Variants in BMP10 observed in about 807,000 individuals in gnomAD.
The protein encoded by BMP10 is bone morphogenetic protein 10.
BMP10 carries 9 observed loss-of-function variants against 29.9 expected under a neutral mutation model. The ratio of observed to expected loss-of-function variants is 0.30; its 90% CI spans 0.18 to 0.53. The LOEUF (loss-of-function observed/expected upper bound fraction) is 0.53, where lower values mean the gene tolerates loss of function less well. Among genes scored for constraint, BMP10 ranks in the 20% least tolerant of loss-of-function variants. The pLI is 0.96. For missense variants in BMP10, 474 were observed against 524.3 expected (o/e 0.90, Z 0.94); for synonymous variants, 202 against 200.2 (o/e 1.01, Z -0.07).
chr2:68,866,749 G>T (rs1682964221), intron 1 of BMP10, among the ~76,000 whole-genome samples, 178 bp from the exon 2 acceptor site: 1 of 152,136 alleles, frequency 6.6e-6, no homozygotes, highest in African/African-American at 2.4e-5. Context: ...AATCCCAAAA[G>T]GTCAGTGGTA....
In BMP10 at chr2:68,864,885, T is replaced by C. The variant is rs1363340408; in HGVS notation, c.*746A>G. Among the ~76,000 whole-genome samples the C allele has an allele frequency of 2.0e-5, 3 of 152,174 alleles. No homozygotes were observed. Among genetic ancestry groups the C allele is most frequent in the African/African-American group, 7.2e-5 (3 of 41,462 alleles). On this transcript the variant is annotated 3_prime_UTR_variant, in exon 2 of 2. Coordinates refer to ENST00000295379, the MANE Select transcript of BMP10 (RefSeq NM_014482.3). ...TCTCTGCAGCAGCAATGGCCAGTAC[T>C]CATGGCCTTGCTTTCCTATTGTCTC...
chr2:68,868,860 T>C (rs1209815242), intron 1 of BMP10, among the ~76,000 whole-genome samples: 1 of 152,244 alleles, frequency 6.6e-6, no homozygotes, highest in Admixed American at 6.5e-5. Context: ...TCAATGAATG[T>C]TACATATGTC....
rs755687639 is a variant in BMP10, at chr2:68,866,383, C to G, written c.523G>C (p.Gly175Arg). ...ITIFEVLESK[G>R]DNEGERNMLV... ...ATGTTTCTTTCTCCCTCATTATCCC[C>G]TTTGCTCTCCAGCACTTCAAAAATG... is the stretch of plus-strand genomic sequence containing the variant. The change falls in exon 2 of 2, where the codon GGG (glycine) becomes CGG (arginine). Residue 175 changes from glycine to arginine, a missense_variant. Gly to Arg is a moderately radical substitution (Grantham distance 125). This residue lies in a region of BMP10 where 408 missense variants were observed against 415.3 expected (regional missense o/e 0.98). Transcript: ENST00000295379. The G allele has an allele frequency of 1.3e-5, 21 of 1,613,852 alleles. No homozygotes were observed. The highest frequency in any genetic ancestry group is 1.8e-5 in the Non-Finnish European group (21 of 1,179,980).
chr2:68,862,573 C>A lies in BMP10; in HGVS notation c.*3058G>T, dbSNP rs898831080. Among the ~76,000 whole-genome samples, 2 of 152,148 alleles carry A rather than the reference C, an allele frequency of 1.3e-5. No homozygotes were observed. The highest frequency in any genetic ancestry group is 4.8e-5 in the African/African-American group (2 of 41,426). On this transcript the variant is annotated 3_prime_UTR_variant, in exon 2 of 2. Transcript: ENST00000295379. Reference sequence around the variant, plus strand: ...CTCAAGAGTTGTTTAGCTATATCAACTTCGGTGATGATAATTCTGCAATAA... The same window carrying A: ...CTCAAGAGTTGTTTAGCTATATCAAATTCGGTGATGATAATTCTGCAATAA...
chr2:68,865,878 G>C lies in BMP10; in HGVS notation c.1028C>G (p.Ala343Gly), dbSNP rs558143111. The change falls in exon 2 of 2, where the codon GCT (alanine) becomes GGT (glycine). Residue 343 changes from alanine (A) to glycine (G), a missense_variant. Coordinates refer to ENST00000295379, the MANE Select transcript of BMP10 (RefSeq NM_014482.3). The surrounding 1 kb of genome is among the most constrained non-coding windows in gnomAD (Gnocchi z 4.7). ...TTCATAGGCTTCGTATCCAGGCGGA[G>C]CGATGATCCAGGAGTCCCACCCAAT... is the stretch of plus-strand genomic sequence containing the variant. ...KEIGWDSWII[A>G]PPGYEAYECR... 6.2e-7 allele frequency: 1 copy of C among 1,614,092 alleles called. No homozygotes were observed. Among genetic ancestry groups the C allele is most frequent in the South Asian group, 1.1e-5 (1 of 91,084 alleles).
intron 1 of BMP10, among the ~76,000 whole-genome samples, chr2:68,867,533 A>G (rs1254425680): frequency 6.6e-6 from 1 of 152,224 alleles, no homozygotes; most frequent in Non-Finnish European, 1.5e-5. Flanking sequence ...AAAGTCCTTT[A>G]GTCTTAGAAG....
chr2:68,866,416 T>C lies in BMP10; in HGVS notation c.490A>G (p.Lys164Glu), dbSNP rs1372099285. 1 of 1,613,952 alleles carries C rather than the reference T, an allele frequency of 6.2e-7. No individual in the cohort carries two copies. The highest frequency in any genetic ancestry group is 8.5e-7 in the Non-Finnish European group (1 of 1,179,972). ...DRMIYDGVDR[K>E]ITIFEVLESK... ...TCCAGCACTTCAAAAATGGTAATTT[T>C]CCGGTCTACTCCATCGTATATCATA... The change falls in exon 2 of 2, where the codon AAA becomes GAA. Residue 164 changes from lysine to glutamate, a missense_variant. Lys to Glu is a moderately conservative substitution (Grantham distance 56). Coordinates refer to ENST00000295379, the MANE Select transcript of BMP10 (RefSeq NM_014482.3).
chr2:68,870,305 T>G (rs895603938), intron 1 of BMP10, among the ~76,000 whole-genome samples: 1 of 152,176 alleles, frequency 6.6e-6, no homozygotes, highest in African/African-American at 2.4e-5. Flanking sequence ...CTCATTAGAT[T>G]TAGTTACCAA....
intron 1 of BMP10, 98 bp downstream of exon 1, chr2:68,870,927 G>C: frequency 9.6e-7 from 1 of 1,041,936 alleles, no homozygotes; most frequent in Non-Finnish European, 1.4e-6. Context: ...TCCTTATATA[G>C]ATGTATTTAC....
intron 1 of BMP10, among the ~76,000 whole-genome samples, chr2:68,866,982 G>T (rs565019915): frequency 6.6e-6 from 1 of 151,900 alleles, no homozygotes; most frequent in Non-Finnish European, 1.5e-5. Context: ...GCTTTTCGGG[G>T]ATGAGGACTT....
In BMP10 at chr2:68,864,111, A is replaced by G. The variant is rs1257664373; in HGVS notation, c.*1520T>C. ...ACCCACCGGACCCTTCCTGTGCAGA[A>G]CACTTCCTCACCACTTTCAGTCCTG... On this transcript the variant is annotated 3_prime_UTR_variant, in exon 2 of 2. Transcript: ENST00000295379. Among the ~76,000 whole-genome samples, 2 of 152,166 alleles carry G rather than the reference A, an allele frequency of 1.3e-5. No homozygotes were observed. The highest frequency in any genetic ancestry group is 3.9e-4 in the East Asian group (2 of 5,188).
Position 68,865,861 on chromosome 2 carries a change from C to T in BMP10, c.1045G>A (p.Ala349Thr). The T allele has an allele frequency of 6.2e-7, 1 of 1,614,110 alleles. No homozygotes were observed. Among genetic ancestry groups the T allele is most frequent in the East Asian group, 2.2e-5 (1 of 44,878 alleles). ...TTACAAACACCACGGCATTCATAGG[C>T]TTCGTATCCAGGCGGAGCGATGATC... ...SWIIAPPGYE[A>T]YECRGVCNYP... Residue 349 changes from alanine to threonine, a missense_variant, in exon 2 of 2, where the codon GCC becomes ACC. Ala to Thr is a moderately conservative substitution (Grantham distance 58). Transcript: ENST00000295379. This position sits in a 1 kb window ranked among gnomAD's most constrained non-coding sequence, Gnocchi z 4.7.
intron 1 of BMP10, among the ~76,000 whole-genome samples, chr2:68,869,177 A>C (rs1216354803): frequency 6.6e-6 from 1 of 152,202 alleles, no homozygotes; most frequent in African/African-American, 2.4e-5. Context: ...TTTGCACCAG[A>C]ATAAATCAAG....
At chr2:68,869,900 G>A (rs897646467) in intron 1 of BMP10, among the ~76,000 whole-genome samples, 1 of 152,100 alleles carries the variant, frequency 6.6e-6, no homozygotes, top group Non-Finnish European at 1.5e-5. Flanking sequence ...CATAGTAAAT[G>A]GAGTGCTTTC....
chr2:68,861,882 T>C lies in BMP10; in HGVS notation c.*3749A>G, dbSNP rs559893049. Among the ~76,000 whole-genome samples the C allele has an allele frequency of 5.3e-5, 8 of 152,344 alleles. No homozygotes were observed. In the South Asian group the frequency reaches 1.5e-3, roughly 28 times the overall value. The stretch of plus-strand genomic sequence containing the variant: ...ATTCGGCACTTTGGGGCTGACTCTT[T>C]TGGAAATCACTAAGCTAACATTTTT... On this transcript the variant is annotated 3_prime_UTR_variant, in exon 2 of 2. Transcript: ENST00000295379.
chr2:68,865,770 T>C lies in BMP10; in HGVS notation c.1136A>G (p.Lys379Arg). The change falls in exon 2 of 2, where the codon AAG becomes AGG. Residue 379 changes from lysine (K) to arginine (R), a missense_variant. This residue lies in a region of BMP10 where 66 missense variants were observed against 109.0 expected (regional missense o/e 0.61). Transcript: ENST00000295379. This position sits in a 1 kb window ranked among gnomAD's most constrained non-coding sequence, Gnocchi z 4.7. ...HAIIQALVHL[K>R]NSQKASKACC... Reference sequence around the variant, plus strand: ...GGCTTTGGAAGCTTTCTGGGAATTCTTGAGGTGGACCAAGGCCTGGATAAT... The same window carrying C: ...GGCTTTGGAAGCTTTCTGGGAATTCCTGAGGTGGACCAAGGCCTGGATAAT... 1.2e-6 allele frequency: 2 copies of C among 1,614,150 alleles called. No homozygotes were observed. Among genetic ancestry groups the C allele is most frequent in the South Asian group, 2.2e-5 (2 of 91,084 alleles).
At chr2:68,866,594 A>G (rs1558685305) in intron 1 of BMP10, 23 bp from the exon 2 acceptor site, 1 of 1,587,264 alleles carries the variant, frequency 6.3e-7, no homozygotes, top group East Asian at 2.2e-5. Flanking sequence ...ATTTGCAAAA[A>G]TCAGGTTTGC....
In BMP10 at chr2:68,866,109, C is replaced by A; in HGVS notation, c.797G>T (p.Arg266Met). 6.2e-7 allele frequency: 1 copy of A among 1,614,078 alleles called. No homozygotes were observed. The highest frequency in any genetic ancestry group is 2.2e-5 in the East Asian group (1 of 44,880). Reference sequence around the variant, plus strand: ...AATCATTTCATTCAGTTCCTCCTTCCTCTCCTTGTCACTGCTTTGGTCATC... The same window carrying A: ...AATCATTTCATTCAGTTCCTCCTTCATCTCCTTGTCACTGCTTTGGTCATC... ...FSDDQSSDKERKEELNEMISH... is the reference protein window; with the variant it reads ...FSDDQSSDKEMKEELNEMISH... Residue 266 changes from arginine to methionine, a missense_variant, in exon 2 of 2, where the codon AGG (arginine) becomes ATG (methionine). Physicochemically the swap from Arg to Met is moderately conservative, Grantham distance 91. Coordinates refer to ENST00000295379, the MANE Select transcript of BMP10 (RefSeq NM_014482.3).
intron 1 of BMP10, among the ~76,000 whole-genome samples, 181 bp downstream of exon 1, chr2:68,870,844 G>A (rs527981419): frequency 1.3e-5 from 2 of 152,194 alleles, no homozygotes; most frequent in African/African-American, 4.8e-5. Flanking sequence ...ATTTTTCGAG[G>A]TTCCTGAAAT....
Sources: gnomAD v4.1 joint callset for allele counts (sites outside exome capture counted in the v4.1 genomes callset) on GRCh38, gnomAD v4.1.1 for gene constraint, gnomAD v4.1.1 regional missense constraint, Gnocchi (gnomAD v3.1) non-coding constraint, MANE v1.5 for transcripts, NCBI Gene and HGNC (gene_info 2026-07-23, HGNC 2026-07-21) for gene names.